Variants in WDR20 observed in about 807,000 individuals in gnomAD.
The protein encoded by WDR20 is WD repeat domain 20.
Under a neutral mutation model 38.7 loss-of-function variants are expected in WDR20, and 3 were observed. The ratio of observed to expected loss-of-function variants is 0.08; its 90% confidence interval spans 0.04 to 0.20. WDR20 has a LOEUF of 0.20. Ranked by LOEUF, WDR20 falls within the 10% of genes least tolerant of loss-of-function variation. WDR20 has a pLI of 1.00. For synonymous variants in WDR20, 298 were observed against 285.6 expected (o/e 1.04, Z -0.44); for missense variants, 559 against 727.7 (o/e 0.77, Z 2.67).
Position 102,208,499 on chromosome 14 carries a change from T to A in WDR20, c.433-104T>A. The A allele has an allele frequency of 7.0e-7, 1 of 1,435,078 alleles. No homozygotes were observed. The highest frequency in any genetic ancestry group is 2.6e-5 in the Admixed American group (1 of 39,172). 88.9% of individuals were successfully genotyped at this position (1,435,078 alleles called of 1,614,324 possible). A position where few individuals can be genotyped will look rare whatever the true frequency, so the allele number is the denominator to read the frequency against. Reference sequence around the variant, plus strand: ...CAGGATAAAATGTGGAGGGCCTGGATAGACTTGCCCCTTCCCATCGAGAAG... The same window carrying A: ...CAGGATAAAATGTGGAGGGCCTGGAAAGACTTGCCCCTTCCCATCGAGAAG... On this transcript the variant is annotated intron_variant, in intron 2 of 2. Transcript: ENST00000342702. This position sits in a 1 kb window ranked among gnomAD's most constrained non-coding sequence, Gnocchi z 5.6.
chr14:102,205,976 G>A (rs1596942126), intron 2 of WDR20, among the ~76,000 whole-genome samples: 1 of 151,072 alleles, frequency 6.6e-6, no homozygotes, highest in Non-Finnish European at 1.5e-5. Context: ...TCAGTGCACT[G>A]TTTTTTTTTG....
chr14:102,148,829 A>AC (rs2054669888), intron 1 of WDR20, among the ~76,000 whole-genome samples: 1 of 151,970 alleles, frequency 6.6e-6, no homozygotes, highest in African/African-American at 2.4e-5. Flanking sequence ...AGTAATTGGG[A>AC]CTACAGGCAT....
chr14:102,222,892 C>G lies in WDR20; in HGVS notation c.*9C>G, dbSNP rs2064082540. 2 of 1,614,024 alleles carry G rather than the reference C, an allele frequency of 1.2e-6. No individual in the cohort carries two copies. The highest frequency in any genetic ancestry group is 2.7e-5 in the African/African-American group (2 of 74,936). On this transcript the variant is annotated 3_prime_UTR_variant, in exon 4 of 4. Coordinates refer to the WDR20 transcript ENST00000335263. The surrounding 1 kb of genome is among the most constrained non-coding windows in gnomAD (Gnocchi z 4.4). Reference sequence around the variant, plus strand: ...GTGGAACTGTAGTGTAGCGACCTCACTGCTGCGCGCACAGTCTCCCGGGAC... The same window carrying G: ...GTGGAACTGTAGTGTAGCGACCTCAGTGCTGCGCGCACAGTCTCCCGGGAC...
At chr14:102,211,073 C>T (rs149065717), downstream of WDR20, among the ~76,000 whole-genome samples, 1,844 of 152,246 alleles carry the variant, frequency 0.012, 16 homozygotes, top group Middle Eastern at 0.041. This position sits in a 1 kb window ranked among gnomAD's most constrained non-coding sequence, Gnocchi z 4.2. Flanking sequence ...CCCCGGAGAC[C>T]GCAGTCTTTC....
At chr14:102,201,696 C>T (rs2060418229) in intron 2 of WDR20, among the ~76,000 whole-genome samples, 1 of 152,204 alleles carries the variant, frequency 6.6e-6, no homozygotes, top group South Asian at 2.1e-4. Context: ...TCTTGACGTA[C>T]ATAGAAATGT....
In WDR20 at chr14:102,208,760, A is replaced by G. The variant is rs2062015316; in HGVS notation, c.590A>G (p.Glu197Gly). The G allele has an allele frequency of 1.9e-6, 3 of 1,614,202 alleles. No individual in the cohort carries two copies. The East Asian group carries it at 6.7e-5, about 36-fold the overall frequency. Residue 197 changes from glutamate to glycine, a missense_variant, in exon 3 of 3, where the codon GAG (glutamate) becomes GGG (glycine). Coordinates refer to ENST00000342702, the MANE Select transcript of WDR20 (RefSeq NM_144574.4). This position sits in a 1 kb window ranked among gnomAD's most constrained non-coding sequence, Gnocchi z 5.6. The stretch of plus-strand genomic sequence containing the variant: ...CACTACCAGCTTCTGAAGCAGGGAG[A>G]GAGCTTTGCCGTGCACACTTGCAAG... ...APHYQLLKQG[E>G]SFAVHTCKSK...
chr14:102,143,949 G>C (rs1032196929), intron 1 of WDR20, among the ~76,000 whole-genome samples: 2 of 151,842 alleles, frequency 1.3e-5, no homozygotes, highest in Non-Finnish European at 2.9e-5. Context: ...GACTGAGGTG[G>C]GAGGATCGCT....
At chr14:102,139,751 G>A (rs1316166215), upstream of WDR20, 1 of 977,104 alleles carries the variant, frequency 1.0e-6, no homozygotes, top group Non-Finnish European at 1.5e-6. Flanking sequence ...TGCGCAGTCG[G>A]GCCGTAAACA....
intron 1 of WDR20, among the ~76,000 whole-genome samples, chr14:102,149,743 G>T (rs879377304): frequency 3.9e-5 from 6 of 152,126 alleles, no homozygotes; most frequent in Non-Finnish European, 8.8e-5. Flanking sequence ...GCCCAGGCTG[G>T]AGTGCAGTGG....
At chr14:102,197,615 G>T in intron 2 of WDR20, 1 of 596,388 alleles carries the variant, frequency 1.7e-6, no homozygotes, top group Non-Finnish European at 3.0e-6. Context: ...GTTCGAAGCT[G>T]GAAAGATAAA....
chr14:102,182,669 T>C (rs1381791403), intron 1 of WDR20, among the ~76,000 whole-genome samples: 3 of 151,984 alleles, frequency 2.0e-5, no homozygotes, highest in Non-Finnish European at 2.9e-5. Flanking sequence ...GAAATAGTTT[T>C]AGTAGTTTTT....
intron 1 of WDR20, among the ~76,000 whole-genome samples, chr14:102,148,078 G>C (rs2054320012): frequency 6.6e-6 from 1 of 152,182 alleles, no homozygotes; most frequent in Non-Finnish European, 1.5e-5. Flanking sequence ...CTGGAATTTA[G>C]TATCTCAGAG....
At position 102,221,935 on chromosome 14, in the gene WDR20, C is replaced by T. The variant is rs1168660771; in HGVS notation, c.1693-895C>T. The stretch of plus-strand genomic sequence containing the variant: ...GCTGCACTGTCGCCATCTTAATGTT[C>T]TTCATAAATGAACGCCACACTTTGA... On this transcript the variant is annotated intron_variant, in intron 3 of 3. Coordinates refer to the WDR20 transcript ENST00000335263. The surrounding 1 kb of genome is among the most constrained non-coding windows in gnomAD (Gnocchi z 4.8). 2.6e-5 allele frequency among the ~76,000 whole-genome samples: 4 copies of T among 152,180 alleles called. No individual in the cohort carries two copies. The highest frequency in any genetic ancestry group is 1.3e-4 in the Admixed American group (2 of 15,278).
chr14:102,193,651 T>C (rs56386186), intron 1 of WDR20: 59,254 of 707,872 alleles, frequency 0.084, 2,762 homozygotes, highest in African/African-American at 0.13. Flanking sequence ...CCTGTAATTT[T>C]GAGGTCCTCT....
At chr14:102,153,421 C>T (rs1426198451) in intron 1 of WDR20, among the ~76,000 whole-genome samples, 2 of 151,698 alleles carry the variant, frequency 1.3e-5, no homozygotes, top group Admixed American at 1.3e-4. Flanking sequence ...ATTCTCCTGC[C>T]TCAGCCTCTG....
At chr14:102,154,485 G>A (rs2056899468) in intron 1 of WDR20, among the ~76,000 whole-genome samples, 1 of 152,138 alleles carries the variant, frequency 6.6e-6, no homozygotes, top group African/African-American at 2.4e-5. Context: ...CCTACCTCCT[G>A]ATATTATCAC....
At chr14:102,186,044 T>A (rs1247158265) in intron 1 of WDR20, among the ~76,000 whole-genome samples, 1 of 152,218 alleles carries the variant, frequency 6.6e-6, no homozygotes, top group Admixed American at 6.5e-5. Context: ...ACACTGAAAC[T>A]GTACAATTGA....
intron 1 of WDR20, among the ~76,000 whole-genome samples, chr14:102,151,422 GTC>G (rs2055819505): frequency 6.6e-6 from 1 of 152,036 alleles, no homozygotes; most frequent in Admixed American, 6.6e-5. Context: ...TTGAGACAGG[GTC>G]TCACTTTGTA....
intron 1 of WDR20, among the ~76,000 whole-genome samples, chr14:102,188,541 C>A (rs1382993426): frequency 6.6e-6 from 1 of 152,056 alleles, no homozygotes; most frequent in African/African-American, 2.4e-5. Flanking sequence ...TAAACTGACC[C>A]AGCTGACTCT....
Sources: gnomAD v4.1 joint callset for allele counts (sites outside exome capture counted in the v4.1 genomes callset) on GRCh38, gnomAD v4.1.1 for gene constraint, Gnocchi (gnomAD v3.1) non-coding constraint, MANE v1.5 for transcripts, NCBI Gene and HGNC (gene_info 2026-07-23, HGNC 2026-07-21) for gene names.